The following FRMPD4 variants were observed in gnomAD, a reference collection of about 807,000 sequenced individuals.
FRMPD4 encodes FERM and PDZ domain containing 4, also known as FERM and PDZ domain-containing protein 4.
FRMPD4 carries 22 observed loss-of-function variants against 94.1 expected under a neutral mutation model. That is an observed-to-expected ratio of 0.23 (90% confidence interval 0.17 to 0.33). The LOEUF is 0.33. Ranked by LOEUF, FRMPD4 falls within the 10% of genes least tolerant of loss-of-function variation. FRMPD4 has a pLI of 1.00. For synonymous variants in FRMPD4, 631 were observed against 548.6 expected (o/e 1.15, Z -2.10); for missense variants, 1,111 against 1,339.9 (o/e 0.83, Z 2.67).
At chrX:12,673,693 T>C (rs1194628130) in intron 4 of FRMPD4, among the ~76,000 whole-genome samples, 3 of 112,195 alleles carry the variant, frequency 2.7e-5, no homozygotes, top group Admixed American at 9.5e-5. Context: ...GACTGGGAAC[T>C]TGTGGGAGCA....
At position 11,837,700 on chromosome X, in the gene FRMPD4, C is replaced by T. The variant is rs181384639; in HGVS notation, c.-161+14985C>T. 1.1e-3 allele frequency among the ~76,000 whole-genome samples: 117 copies of T among 110,929 alleles called. 1 individual carries two copies. Among genetic ancestry groups the T allele is most frequent in the African/African-American group, 3.7e-3 (112 of 30,584 alleles). The stretch of plus-strand genomic sequence containing the variant: ...AGTAACTTACAATGAGAATGGAGTT[C>T]GTTTGTTTTTAAATTCTAGAGGCTA... On this transcript the variant is annotated intron_variant, in intron 1 of 18. Transcript: ENST00000640291.
chrX:12,251,681 CCTT>C lies in FRMPD4; in HGVS notation c.41+112670_41+112672del, dbSNP rs1178950725. Reference sequence around the variant, plus strand: ...TTATGATTTCTTGCACACAAACCCTCCTTTCAGTGTCTGCTTCTAGAGATCCTG... The same window carrying C: ...TTATGATTTCTTGCACACAAACCCTCTCAGTGTCTGCTTCTAGAGATCCTG... On this transcript the variant is annotated intron_variant, in intron 1 of 16. Coordinates refer to ENST00000675598, the MANE Select transcript of FRMPD4 (RefSeq NM_001368397.1). Among the ~76,000 whole-genome samples, 24 of 112,122 alleles carry C rather than the reference CCTT, an allele frequency of 2.1e-4. No individual in the cohort carries two copies. The South Asian group carries it at 2.6e-3, about 12-fold the overall frequency.
intron 3 of FRMPD4, among the ~76,000 whole-genome samples, chrX:12,075,998 T>C (rs1294031025): frequency 8.9e-6 from 1 of 111,990 alleles, no homozygotes; most frequent in Non-Finnish European, 1.9e-5. Flanking sequence ...TGCCTTTGTT[T>C]TGTTGTTGTT....
chrX:12,564,752 T>C (rs1463979886), intron 2 of FRMPD4, among the ~76,000 whole-genome samples: 1 of 110,810 alleles, frequency 9.0e-6, no homozygotes, highest in African/African-American at 3.3e-5. Flanking sequence ...GAGAAATGGC[T>C]GATTATGAGG....
rs778403859 is a variant in FRMPD4, at chrX:12,602,640, CA to C, written c.159-7078del. Reference sequence around the variant, plus strand: ...CTTTTGGTACATACCAAACATCCCCCAAATTCAGTGTCATAAAACCATCATC... The same window carrying C: ...CTTTTGGTACATACCAAACATCCCCCAATTCAGTGTCATAAAACCATCATC... On this transcript the variant is annotated intron_variant, in intron 2 of 16. Transcript: ENST00000675598. 4.5e-5 allele frequency among the ~76,000 whole-genome samples: 5 copies of C among 112,051 alleles called. No homozygotes were observed. In the South Asian group the frequency reaches 1.9e-3, roughly 42 times the overall value.
intron 2 of FRMPD4, among the ~76,000 whole-genome samples, chrX:12,575,701 C>T (rs751151506): frequency 8.9e-6 from 1 of 111,971 alleles, no homozygotes; most frequent in South Asian, 3.7e-4. Context: ...TACACAGATT[C>T]AGTGTAATCA....
At chrX:12,420,103 G>C (rs768650491) in intron 1 of FRMPD4, among the ~76,000 whole-genome samples, 2 of 111,564 alleles carry the variant, frequency 1.8e-5, no homozygotes, top group African/African-American at 3.3e-5. Flanking sequence ...AACTTATCAT[G>C]TCACCATCAC....
At chrX:11,884,834 A>G (rs1276729915) in intron 3 of FRMPD4, among the ~76,000 whole-genome samples, 1 of 111,710 alleles carries the variant, frequency 9.0e-6, no homozygotes, top group Non-Finnish European at 1.9e-5. Context: ...AATAGAGGAG[A>G]GATTAAATAT....
intron 9 of FRMPD4, among the ~76,000 whole-genome samples, chrX:12,695,776 T>C (rs1341367044): frequency 9.2e-6 from 1 of 109,068 alleles, no homozygotes; most frequent in Non-Finnish European, 1.9e-5. Flanking sequence ...TTTTTCTTTT[T>C]TTGAGACGGA....
intron 1 of FRMPD4, among the ~76,000 whole-genome samples, chrX:12,377,569 A>G (rs143416728): frequency 0.025 from 2,829 of 112,391 alleles, 101 homozygotes; most frequent in African/African-American, 0.086. Flanking sequence ...CATTTTTCCC[A>G]GTCTTGAAAG....
chrX:12,668,251 T>C (rs1051479412), intron 4 of FRMPD4, among the ~76,000 whole-genome samples: 12 of 110,896 alleles, frequency 1.1e-4, no homozygotes, highest in Non-Finnish European at 2.1e-4. Flanking sequence ...CAAAACATTA[T>C]AGAGTTAATT....
chrX:12,500,013 T>G (rs1198629476), intron 2 of FRMPD4, among the ~76,000 whole-genome samples: 1 of 111,980 alleles, frequency 8.9e-6, no homozygotes, highest in African/African-American at 3.2e-5. Flanking sequence ...TGTTTCGTTT[T>G]TTTGTTTGTT....
intron 3 of FRMPD4, among the ~76,000 whole-genome samples, chrX:12,009,802 T>C (rs1028623782): frequency 8.9e-6 from 1 of 112,374 alleles, no homozygotes; most frequent in Non-Finnish European, 1.9e-5. Context: ...TTGTATCTTC[T>C]AAAGTGTTGG....
At chrX:12,417,350 G>A (rs1453766599) in intron 1 of FRMPD4, among the ~76,000 whole-genome samples, 1 of 110,317 alleles carries the variant, frequency 9.1e-6, no homozygotes, top group Non-Finnish European at 1.9e-5. Flanking sequence ...AGGCTGAGGG[G>A]AGTGGATCAC....
At chrX:11,991,828 C>T (rs2054466347) in intron 3 of FRMPD4, among the ~76,000 whole-genome samples, 1 of 112,034 alleles carries the variant, frequency 8.9e-6, no homozygotes, top group Admixed American at 9.5e-5. Context: ...GGTACTTCTC[C>T]TCTAAACAGA....
chrX:12,286,112 A>G (rs1249154866), intron 1 of FRMPD4, among the ~76,000 whole-genome samples: 1 of 112,200 alleles, frequency 8.9e-6, no homozygotes, highest in Admixed American at 9.5e-5. Flanking sequence ...TTTTATATAC[A>G]TTTAGATGCT....
intron 1 of FRMPD4, among the ~76,000 whole-genome samples, chrX:12,488,273 TGTGA>T (rs1351750392): frequency 8.9e-6 from 1 of 112,095 alleles, no homozygotes; most frequent in African/African-American, 3.2e-5. Context: ...TTTAAAAAAA[TGTGA>T]GTAAGGCTAA....
intron 3 of FRMPD4, among the ~76,000 whole-genome samples, chrX:12,036,851 A>T (rs2054723195): frequency 8.9e-6 from 1 of 112,026 alleles, no homozygotes; most frequent in Admixed American, 9.5e-5. Context: ...TTATGTGCAA[A>T]GATTCTAAAA....
At chrX:11,986,055 A>G (rs2054427657) in intron 3 of FRMPD4, among the ~76,000 whole-genome samples, 1 of 112,431 alleles carries the variant, frequency 8.9e-6, no homozygotes, top group Non-Finnish European at 1.9e-5. Context: ...AACATAGGCA[A>G]TAGCCAAGTA....
Sources: gnomAD v4.1 joint callset for allele counts (sites outside exome capture counted in the v4.1 genomes callset) on GRCh38, gnomAD v4.1.1 for gene constraint, MANE v1.5 for transcripts, NCBI Gene and HGNC (gene_info 2026-07-23, HGNC 2026-07-21) for gene names.